DLGAP1: variants seen among roughly 807,000 people sequenced by gnomAD.
DLGAP1 encodes the protein disks large-associated protein 1.
Under a neutral mutation model 90.8 loss-of-function variants are expected in DLGAP1, and 11 were observed. That is an observed-to-expected ratio of 0.12 (90% confidence interval 0.08 to 0.20). The LOEUF (loss-of-function observed/expected upper bound fraction) is 0.20, where lower values mean the gene tolerates loss of function less well. DLGAP1 is among the 10% of genes least tolerant of loss of function. The pLI is 1.00. For synonymous variants in DLGAP1, 558 were observed against 540.7 expected, an observed-to-expected ratio of 1.03 and a Z score of -0.44; for missense variants, 1,050 against 1,333.8, an observed-to-expected ratio of 0.79 and a Z score of 3.31.
At chr18:4,358,727 G>A (rs1181376865) in intron 1 of DLGAP1, among the ~76,000 whole-genome samples, 1 of 152,380 alleles carries the variant, frequency 6.6e-6, no homozygotes, top group Middle Eastern at 3.4e-3. Flanking sequence ...CCTGCAGAGA[G>A]CAGGGCTCCT....
chr18:3,971,616 C>T lies in DLGAP1; in HGVS notation c.-73+33500G>A, dbSNP rs144674941. On this transcript the variant is annotated intron_variant, in intron 3 of 12. Coordinates refer to ENST00000315677, the MANE Select transcript of DLGAP1 (RefSeq NM_004746.4). ...TTTGCAGACTGCATTTTATATTGTT[C>T]CAAGACTTAACTTTTAAGACTCTTT... 9.2e-4 allele frequency among the ~76,000 whole-genome samples: 140 copies of T among 152,202 alleles called. 1 individual carries two copies. Among genetic ancestry groups the T allele is most frequent in the African/African-American group, 3.2e-3 (132 of 41,522 alleles).
intron 1 of DLGAP1, among the ~76,000 whole-genome samples, chr18:4,180,808 A>G (rs944301124): frequency 6.6e-6 from 1 of 152,058 alleles, no homozygotes. Flanking sequence ...AGGAGGAAGT[A>G]ATGGAGAAAC....
chr18:4,317,728 C>T (rs1298476152), intron 1 of DLGAP1, among the ~76,000 whole-genome samples: 4 of 152,212 alleles, frequency 2.6e-5, no homozygotes, highest in African/African-American at 9.7e-5. Flanking sequence ...AGGCATAGAG[C>T]TGAAGCATAA....
At chr18:3,705,110 A>T (rs375469065) in intron 7 of DLGAP1, among the ~76,000 whole-genome samples, 1 of 152,182 alleles carries the variant, frequency 6.6e-6, no homozygotes, top group East Asian at 1.9e-4. Context: ...TAGAAATAAG[A>T]CATTCAGTTT....
At chr18:3,652,172 A>AAAG (rs1302244882) in intron 7 of DLGAP1, among the ~76,000 whole-genome samples, 2 of 149,578 alleles carry the variant, frequency 1.3e-5, no homozygotes, top group East Asian at 3.9e-4. Flanking sequence ...TCAAAAAAAA[A>AAAG]AAAAAAAAGA....
At chr18:4,274,334 C>T (rs1173550990) in intron 1 of DLGAP1, among the ~76,000 whole-genome samples, 1 of 152,048 alleles carries the variant, frequency 6.6e-6, no homozygotes, top group African/African-American at 2.4e-5. Flanking sequence ...TTTTTTCCTG[C>T]TATTGATTTC....
intron 3 of DLGAP1, among the ~76,000 whole-genome samples, chr18:3,938,825 G>T (rs1232185906): frequency 1.3e-5 from 2 of 152,156 alleles, no homozygotes; most frequent in Non-Finnish European, 2.9e-5. Context: ...CATGCTGGCT[G>T]CTGGGTGGGA....
intron 1 of DLGAP1, among the ~76,000 whole-genome samples, chr18:4,368,668 CA>C (rs2081838265): frequency 1.3e-5 from 2 of 151,358 alleles, no homozygotes; most frequent in African/African-American, 2.4e-5. Context: ...CACACACACA[CA>C]CACACACACA....
intron 5 of DLGAP1, among the ~76,000 whole-genome samples, chr18:3,812,589 A>G (rs1382222798): frequency 2.0e-5 from 3 of 152,216 alleles, no homozygotes; most frequent in African/African-American, 7.2e-5. Context: ...AGGAAGGGCA[A>G]CTGGAAGCCA....
intron 3 of DLGAP1, among the ~76,000 whole-genome samples, chr18:3,887,632 C>A (rs1472160202): frequency 5.9e-5 from 9 of 152,158 alleles, no homozygotes; most frequent in Non-Finnish European, 1.2e-4. Context: ...TGAACACATA[C>A]ATGACATTTT....
intron 1 of DLGAP1, among the ~76,000 whole-genome samples, chr18:4,156,584 G>A (rs1201501955): frequency 6.6e-6 from 1 of 152,092 alleles, no homozygotes; most frequent in African/African-American, 2.4e-5. Flanking sequence ...ATAATCTCCT[G>A]ATAAAATGTT....
At position 3,600,951 on chromosome 18, in the gene DLGAP1, G is replaced by A. The variant is rs1233610366; in HGVS notation, c.1592-18703C>T. ...ATATAGATATATAGATAGATATATA[G>A]ATATATATAGATATATAGATAGATA... On this transcript the variant is annotated intron_variant, in intron 7 of 12. Transcript: ENST00000315677. 2.0e-3 allele frequency among the ~76,000 whole-genome samples: 118 copies of A among 59,466 alleles called. 20 individuals carry two copies. Among genetic ancestry groups the A allele is most frequent in the Admixed American group, 2.1e-3 (12 of 5,780 alleles). 39.0% of individuals were successfully genotyped at this position (59,466 alleles called of 152,430 possible).
At chr18:3,752,981 T>C (rs2063565788) in intron 5 of DLGAP1, among the ~76,000 whole-genome samples, 1 of 152,158 alleles carries the variant, frequency 6.6e-6, no homozygotes, top group African/African-American at 2.4e-5. Flanking sequence ...AATAATGCTG[T>C]AATAAACAAT....
At chr18:4,175,623 G>C (rs2077094751) in intron 1 of DLGAP1, among the ~76,000 whole-genome samples, 1 of 152,128 alleles carries the variant, frequency 6.6e-6, no homozygotes, top group Non-Finnish European at 1.5e-5. Context: ...TCCAGTTTCA[G>C]TTTTATGCAT....
At chr18:3,500,717 C>A (rs376834547) in intron 12 of DLGAP1, among the ~76,000 whole-genome samples, 2 of 151,980 alleles carry the variant, frequency 1.3e-5, no homozygotes, top group African/African-American at 4.8e-5. Flanking sequence ...CATTAAAAAC[C>A]GTAAAAATCA....
At chr18:4,146,581 G>A (rs1378274262) in intron 2 of DLGAP1, among the ~76,000 whole-genome samples, 1 of 152,084 alleles carries the variant, frequency 6.6e-6, no homozygotes, top group African/African-American at 2.4e-5. Context: ...CTAGGGACTA[G>A]CCAAGAACAT....
chr18:4,287,826 T>C (rs951630117), intron 1 of DLGAP1, among the ~76,000 whole-genome samples: 8 of 151,786 alleles, frequency 5.3e-5, no homozygotes, highest in African/African-American at 1.5e-4. Flanking sequence ...ATTCTGCACA[T>C]GTATCCCAGA....
Position 3,729,196 on chromosome 18 carries a change from G to C in DLGAP1, c.1530C>G (p.Ser510=). 6.2e-7 allele frequency: 1 copy of C among 1,613,784 alleles called. No individual in the cohort carries two copies. Among genetic ancestry groups the C allele is most frequent in the Non-Finnish European group, 8.5e-7 (1 of 1,179,898 alleles). ...TGCGCGGCGGCGAGGACGACCTCAG[G>C]GACACGCACTCGTCGTCCTGGGAGC... The part of the protein sequence containing the change: ...KGCSQDDECV[S]LRSSSPPRTT... Residue 510 remains serine, a synonymous_variant, in exon 7 of 13, where the codon TCC becomes TCG. Coordinates refer to ENST00000315677, the MANE Select transcript of DLGAP1 (RefSeq NM_004746.4). The surrounding 1 kb of genome is among the most constrained non-coding windows in gnomAD (Gnocchi z 6.2).
intron 2 of DLGAP1, among the ~76,000 whole-genome samples, chr18:4,126,116 C>A (rs2049160): frequency 2.0e-5 from 3 of 152,072 alleles, no homozygotes; most frequent in Non-Finnish European, 2.9e-5. Context: ...CCAAGGCAGC[C>A]TGCACCGAGC....
Sources: allele counts gnomAD v4.1 joint callset (sites outside exome capture counted in the v4.1 genomes callset), GRCh38; gene constraint gnomAD v4.1.1; non-coding constraint Gnocchi (gnomAD v3.1); transcripts MANE v1.5; gene names NCBI Gene and HGNC (gene_info 2026-07-23, HGNC 2026-07-21).